Variants in RALYL observed in about 807,000 individuals in gnomAD.
RALYL encodes RALY RNA binding protein like.
Under a neutral mutation model 35.1 loss-of-function variants are expected in RALYL, and 29 were observed. That is an observed-to-expected ratio of 0.83 (90% CI 0.61 to 1.13). The LOEUF is 1.13. Ranked by LOEUF, RALYL falls within the 50% of genes most tolerant of loss-of-function variation. The pLI is 0.00. For missense variants in RALYL, 359 were observed against 360.4 expected (o/e 1.00, Z 0.03); for synonymous variants, 120 against 127.6 (o/e 0.94, Z 0.40).
At chr8:84,398,627 A>C (rs1195333883) in intron 1 of RALYL, among the ~76,000 whole-genome samples, 1 of 152,172 alleles carries the variant, frequency 6.6e-6, no homozygotes, top group Non-Finnish European at 1.5e-5. Context: ...CATATGTCTG[A>C]AAACTACCTT....
intron 1 of RALYL, among the ~76,000 whole-genome samples, chr8:84,455,423 T>C (rs2050017382): frequency 6.6e-6 from 1 of 151,990 alleles, no homozygotes; most frequent in Non-Finnish European, 1.5e-5. Context: ...AAAAATAGGT[T>C]CAAATAGAAT....
chr8:84,826,157 G>A (rs1007254435), intron 4 of RALYL, among the ~76,000 whole-genome samples: 3 of 151,958 alleles, frequency 2.0e-5, no homozygotes, highest in Non-Finnish European at 4.4e-5. Flanking sequence ...ACTAGAGGGG[G>A]AAAGGGAGGG....
At chr8:84,505,340 G>C (rs192736442) in intron 1 of RALYL, among the ~76,000 whole-genome samples, 1 of 152,038 alleles carries the variant, frequency 6.6e-6, no homozygotes, top group Admixed American at 6.6e-5. Context: ...CTTCAAACAA[G>C]ATAAACAAAT....
At chr8:84,814,560 T>C (rs1296398668) in intron 4 of RALYL, among the ~76,000 whole-genome samples, 2 of 152,176 alleles carry the variant, frequency 1.3e-5, no homozygotes, top group African/African-American at 4.8e-5. Context: ...CCTGGATAAA[T>C]GTGCTGTACT....
chr8:84,672,858 G>A (rs1833529385), intron 2 of RALYL, among the ~76,000 whole-genome samples: 2 of 152,154 alleles, frequency 1.3e-5, no homozygotes, highest in Admixed American at 6.6e-5. Context: ...GGAGATTTGG[G>A]TGAGGGCACA....
At chr8:84,464,602 C>T (rs1376984367) in intron 1 of RALYL, among the ~76,000 whole-genome samples, 6 of 150,360 alleles carry the variant, frequency 4.0e-5, no homozygotes, top group South Asian at 4.2e-4. Flanking sequence ...AATAAACATA[C>T]GTGTGCATGT....
intron 8 of RALYL, among the ~76,000 whole-genome samples, chr8:84,912,986 G>A (rs775346718): frequency 2.2e-5 from 2 of 92,110 alleles, no homozygotes; most frequent in Admixed American, 2.4e-4. Context: ...GACCCAGGAT[G>A]GATGGATGGA....
intron 2 of RALYL, among the ~76,000 whole-genome samples, chr8:84,567,291 A>G (rs2135707005): frequency 6.6e-6 from 1 of 151,826 alleles, no homozygotes; most frequent in East Asian, 1.9e-4. Flanking sequence ...AATGATGGGG[A>G]TTTGGCTTCC....
intron 1 of RALYL, among the ~76,000 whole-genome samples, chr8:84,289,394 G>A (rs73304862): frequency 0.065 from 9,930 of 152,220 alleles, 430 homozygotes; most frequent in African/African-American, 0.088. Flanking sequence ...AGCAGGTACG[G>A]AGTTTTTCCA....
At chr8:84,889,743 T>C (rs1392336566) in intron 8 of RALYL, among the ~76,000 whole-genome samples, 1 of 152,212 alleles carries the variant, frequency 6.6e-6, no homozygotes, top group Admixed American at 6.5e-5. Flanking sequence ...AGTCTTGATT[T>C]TTTTCTAGTC....
intron 1 of RALYL, among the ~76,000 whole-genome samples, chr8:84,440,315 T>C (rs544381504): frequency 4.2e-4 from 64 of 152,218 alleles, no homozygotes; most frequent in African/African-American, 1.5e-3. Context: ...TTTTGGCATG[T>C]CCCTAACTTT....
chr8:84,509,269 G>GA (rs2057415021), intron 1 of RALYL, among the ~76,000 whole-genome samples: 4 of 152,136 alleles, frequency 2.6e-5, no homozygotes, highest in African/African-American at 9.6e-5. Context: ...TGTCTTTGTA[G>GA]AAAAATGGGG....
chr8:84,460,075 G>A, intron 1 of RALYL, among the ~76,000 whole-genome samples: 1 of 151,732 alleles, frequency 6.6e-6, no homozygotes, highest in East Asian at 1.9e-4. Context: ...AGAAGGGAGT[G>A]AAATGTATTT....
intron 2 of RALYL, among the ~76,000 whole-genome samples, chr8:84,683,814 G>T (rs542872748): frequency 6.6e-6 from 1 of 152,232 alleles, no homozygotes; most frequent in Non-Finnish European, 1.5e-5. Context: ...ATCCTCCTGA[G>T]TTGCTGGGAT....
intron 2 of RALYL, among the ~76,000 whole-genome samples, chr8:84,649,738 G>A (rs1003873482): frequency 3.3e-5 from 5 of 151,978 alleles, no homozygotes; most frequent in Non-Finnish European, 7.4e-5. Context: ...TTGTTCTTTT[G>A]GCTTAGGATT....
intron 7 of RALYL, among the ~76,000 whole-genome samples, chr8:84,883,879 CAT>C (rs1446833836): frequency 2.6e-5 from 4 of 152,020 alleles, no homozygotes. Context: ...CCTGTTATAA[CAT>C]GTTTGTGTGG....
chr8:84,429,040 T>A (rs1394447077), intron 1 of RALYL, among the ~76,000 whole-genome samples: 1 of 152,168 alleles, frequency 6.6e-6, no homozygotes, highest in Non-Finnish European at 1.5e-5. Flanking sequence ...TATGGCAACA[T>A]TCCTTTATCT....
At chr8:84,589,316 C>T (rs1812712903) in intron 2 of RALYL, among the ~76,000 whole-genome samples, 1 of 152,114 alleles carries the variant, frequency 6.6e-6, no homozygotes, top group African/African-American at 2.4e-5. Flanking sequence ...AAAAATGTAG[C>T]TTTTTTCTTA....
intron 2 of RALYL, among the ~76,000 whole-genome samples, chr8:84,619,668 G>T (rs1264910419): frequency 6.6e-6 from 1 of 151,002 alleles, no homozygotes; most frequent in African/African-American, 2.5e-5. Flanking sequence ...CTCGTTAGTT[G>T]ATGCAGTTAC....
Sources: allele counts gnomAD v4.1 joint callset (sites outside exome capture counted in the v4.1 genomes callset), GRCh38; gene constraint gnomAD v4.1.1; transcripts MANE v1.5; gene names NCBI Gene and HGNC (gene_info 2026-07-23, HGNC 2026-07-21).